The following CACNA2D1 variants were observed in gnomAD, a reference collection of about 807,000 sequenced individuals.
CACNA2D1 encodes the protein calcium voltage-gated channel auxiliary subunit alpha2delta 1.
A neutral mutation model predicts 171.5 loss-of-function variants in CACNA2D1; 53 were observed. The ratio of observed to expected loss-of-function variants is 0.31; its 90% CI spans 0.25 to 0.39. The LOEUF is 0.39. Among genes scored for constraint, CACNA2D1 ranks in the 10% least tolerant of loss-of-function variants. The probability of loss-of-function intolerance (pLI) is 1.00; values close to 1 mark genes in which losing one functional copy is unlikely to be tolerated. For synonymous variants in CACNA2D1, 442 were observed against 443.1 expected (o/e 1.00, Z 0.03); for missense variants, 903 against 1,299.8 (o/e 0.69, Z 4.69).
intron 22 of CACNA2D1, among the ~76,000 whole-genome samples, chr7:81,983,848 T>G (rs937240060): frequency 2.0e-5 from 3 of 152,194 alleles, no homozygotes; most frequent in Non-Finnish European, 4.4e-5. Flanking sequence ...TAGCTTACTT[T>G]AAGATCAGAT....
At chr7:81,991,700 TA>T (rs1387987887) in intron 20 of CACNA2D1, among the ~76,000 whole-genome samples, 1 of 152,196 alleles carries the variant, frequency 6.6e-6, no homozygotes, top group Non-Finnish European at 1.5e-5. Flanking sequence ...CATAAGAGGC[TA>T]CTCAGTATCA....
At chr7:82,083,413 T>C (rs1810041133) in intron 7 of CACNA2D1, among the ~76,000 whole-genome samples, 1 of 151,748 alleles carries the variant, frequency 6.6e-6, no homozygotes, top group South Asian at 2.1e-4. Context: ...GTTGTCTTTT[T>C]CCTTTATGTT....
chr7:82,150,642 A>G lies in CACNA2D1; in HGVS notation c.355-13966T>C, dbSNP rs1344145679. 3.9e-5 allele frequency among the ~76,000 whole-genome samples: 6 copies of G among 152,254 alleles called. No homozygotes were observed. In the East Asian group the frequency reaches 1.2e-3, roughly 29 times the overall value. On this transcript the variant is annotated intron_variant, in intron 4 of 38. Coordinates refer to ENST00000356860, the MANE Select transcript of CACNA2D1 (RefSeq NM_000722.4). ...TAAATCAACCCCTTTGCACCTACCA[A>G]ATACAAGCTGGCAATTTCCCCATTA... is the stretch of plus-strand genomic sequence containing the variant.
chr7:82,227,378 G>A (rs1802472927), intron 3 of CACNA2D1, among the ~76,000 whole-genome samples: 1 of 152,168 alleles, frequency 6.6e-6, no homozygotes, highest in South Asian at 2.1e-4. Context: ...TAATGACAAA[G>A]TTGACAACTT....
intron 1 of CACNA2D1, among the ~76,000 whole-genome samples, chr7:82,418,012 T>G (rs999834918): frequency 6.6e-6 from 1 of 152,328 alleles, no homozygotes; most frequent in South Asian, 2.1e-4. Flanking sequence ...CAAGCTGCTA[T>G]AAAGAACTGC....
chr7:81,955,210 A>C (rs1793083580), intron 38 of CACNA2D1, among the ~76,000 whole-genome samples: 1 of 151,824 alleles, frequency 6.6e-6, no homozygotes, highest in African/African-American at 2.4e-5. Flanking sequence ...ATCCTTCCGG[A>C]CTCTACCGGG....
intron 1 of CACNA2D1, among the ~76,000 whole-genome samples, chr7:82,376,355 A>G (rs1049553670): frequency 1.3e-5 from 2 of 152,218 alleles, no homozygotes; most frequent in Non-Finnish European, 2.9e-5. Flanking sequence ...CCTGACAATG[A>G]CAACCTAACA....
At chr7:82,429,807 AAT>A (rs1223550535) in intron 1 of CACNA2D1, among the ~76,000 whole-genome samples, 2 of 147,998 alleles carry the variant, frequency 1.4e-5, no homozygotes, top group Non-Finnish European at 2.9e-5. Context: ...ACCCATTCAC[AAT>A]AAAATTTTGC....
At chr7:82,144,834 T>A (rs1394012100) in intron 4 of CACNA2D1, among the ~76,000 whole-genome samples, 1 of 152,050 alleles carries the variant, frequency 6.6e-6, no homozygotes, top group Non-Finnish European at 1.5e-5. Flanking sequence ...TTTGATTGCA[T>A]GCTTGAATAT....
At chr7:82,008,871 A>T (rs1039283039) in intron 15 of CACNA2D1, among the ~76,000 whole-genome samples, 1 of 152,162 alleles carries the variant, frequency 6.6e-6, no homozygotes, top group Non-Finnish European at 1.5e-5. Context: ...CAATGGGAAT[A>T]TGAATGAATT....
chr7:82,249,145 T>C (rs958849512), intron 3 of CACNA2D1, among the ~76,000 whole-genome samples: 11 of 151,682 alleles, frequency 7.3e-5, no homozygotes, highest in African/African-American at 2.7e-4. Context: ...CTCTTAAAAT[T>C]CAACATAGAT....
chr7:82,014,172 T>C (rs1415011874), intron 13 of CACNA2D1, among the ~76,000 whole-genome samples: 2 of 152,144 alleles, frequency 1.3e-5, no homozygotes, highest in African/African-American at 4.8e-5. Context: ...GTGTAATACA[T>C]TATTTTATGA....
At chr7:82,106,459 A>G (rs1050357003) in intron 6 of CACNA2D1, among the ~76,000 whole-genome samples, 6 of 152,064 alleles carry the variant, frequency 3.9e-5, no homozygotes, top group Admixed American at 3.9e-4. Context: ...TCCAGCTGTC[A>G]ATTTATAGAG....
chr7:82,307,232 C>A (rs1327353345), intron 3 of CACNA2D1, among the ~76,000 whole-genome samples: 2 of 152,146 alleles, frequency 1.3e-5, no homozygotes. Context: ...ATCTCACTCA[C>A]TACAACCACT....
chr7:82,136,885 G>T (rs1297866914), intron 4 of CACNA2D1, among the ~76,000 whole-genome samples: 1 of 152,056 alleles, frequency 6.6e-6, no homozygotes. Flanking sequence ...TTGGGAAAAA[G>T]ATCCCAGTGT....
chr7:82,240,579 C>T lies in CACNA2D1; in HGVS notation c.295-69970G>A, dbSNP rs147933835. ...AATACATCAAAGAATTCTCACAAAC[C>T]GTATCTTTTATATTGCTTTATGTAC... is the stretch of plus-strand genomic sequence containing the variant. On this transcript the variant is annotated intron_variant, in intron 3 of 38. Coordinates refer to ENST00000356860, the MANE Select transcript of CACNA2D1 (RefSeq NM_000722.4). Among the ~76,000 whole-genome samples the T allele has an allele frequency of 2.8e-4, 42 of 152,146 alleles. No individual in the cohort carries two copies. The East Asian group carries it at 6.2e-3, about 22-fold the overall frequency.
At chr7:82,179,722 C>T (rs912592173) in intron 3 of CACNA2D1, among the ~76,000 whole-genome samples, 6 of 151,994 alleles carry the variant, frequency 3.9e-5, no homozygotes, top group Non-Finnish European at 5.9e-5. Context: ...TAACTTTTAC[C>T]ACAATTTCTC....
intron 3 of CACNA2D1, among the ~76,000 whole-genome samples, chr7:82,249,610 A>G (rs1319256965): frequency 2.0e-5 from 3 of 152,222 alleles, no homozygotes; most frequent in Non-Finnish European, 2.9e-5. Flanking sequence ...TTGGAAATAA[A>G]CCTGAAATCA....
At chr7:82,090,831 C>T (rs1811068537) in intron 6 of CACNA2D1, among the ~76,000 whole-genome samples, 1 of 152,060 alleles carries the variant, frequency 6.6e-6, no homozygotes, top group African/African-American at 2.4e-5. Context: ...AGATTCAACA[C>T]TTATTGTAAG....
Sources: allele counts gnomAD v4.1 joint callset (sites outside exome capture counted in the v4.1 genomes callset), GRCh38; gene constraint gnomAD v4.1.1; transcripts MANE v1.5; gene names NCBI Gene and HGNC (gene_info 2026-07-23, HGNC 2026-07-21).